The following DDX10 variants were observed in gnomAD, a reference collection of about 807,000 sequenced individuals.
DDX10 encodes the protein DEAD-box helicase 10.
Under a neutral mutation model 104.3 loss-of-function variants are expected in DDX10, and 74 were observed. The ratio of observed to expected loss-of-function variants is 0.71; its 90% CI spans 0.59 to 0.86. The LOEUF (loss-of-function observed/expected upper bound fraction) is 0.86, where lower values mean the gene tolerates loss of function less well. Ranked by LOEUF, DDX10 falls within the 40% of genes least tolerant of loss-of-function variation. DDX10 has a pLI of 0.00. For synonymous variants in DDX10, 351 were observed against 353.4 expected (o/e 0.99, Z 0.08); for missense variants, 952 against 1,040.0 (o/e 0.92, Z 1.16).
intron 4 of DDX10, 81 bp from the exon 5 acceptor site, chr11:108,678,234 T>C (rs1432295300): frequency 1.8e-5 from 26 of 1,410,100 alleles, no homozygotes; most frequent in East Asian, 2.4e-5. Flanking sequence ...GAAATGCCCA[T>C]GCAGATGGCT....
chr11:108,917,826 A>G, intron 16 of DDX10, 47 bp from the exon 17 acceptor site: 1 of 1,594,390 alleles, frequency 6.3e-7, no homozygotes, highest in South Asian at 1.1e-5. Context: ...CTGATTATTT[A>G]TCAACTGACT....
At chr11:108,783,450 G>T (rs542267958) in intron 13 of DDX10, among the ~76,000 whole-genome samples, 22 of 152,134 alleles carry the variant, frequency 1.4e-4, no homozygotes, top group Non-Finnish European at 2.9e-4. Context: ...GGCTGTAAAA[G>T]GCAGGAAGGT....
chr11:108,742,850 A>T (rs2094326926), intron 13 of DDX10, among the ~76,000 whole-genome samples: 1 of 152,194 alleles, frequency 6.6e-6, no homozygotes, highest in South Asian at 2.1e-4. Context: ...AAGAAACTGA[A>T]TCCCTGAAGA....
chr11:108,852,190 C>A lies in DDX10; in HGVS notation c.2285C>A (p.Ala762Asp), dbSNP rs755460972. ...AAAGAAAGGGAAGCCAGAAGAGAAG[C>A]CAACAAGAGACAAGCAAAGGTAAGG... ...RLKEREARREANKRQAKAKDE... is the reference protein window; with the variant it reads ...RLKEREARREDNKRQAKAKDE... Residue 762 changes from alanine (A) to aspartate (D), a missense_variant, in exon 16 of 18, where the codon GCC becomes GAC. Physicochemically the swap from Ala to Asp is moderately radical, Grantham distance 126. Transcript: ENST00000322536. 1.2e-6 allele frequency: 2 copies of A among 1,611,134 alleles called. No individual in the cohort carries two copies. The highest frequency in any genetic ancestry group is 4.5e-5 in the East Asian group (2 of 44,728).
intron 1 of DDX10, among the ~76,000 whole-genome samples, chr11:108,666,226 A>G (rs1310072236): frequency 6.6e-6 from 1 of 152,168 alleles, no homozygotes; most frequent in African/African-American, 2.4e-5. Flanking sequence ...GTAACAAATT[A>G]CCACAAACTT....
At chr11:108,835,780 G>A (rs904613443) in intron 13 of DDX10, among the ~76,000 whole-genome samples, 5 of 151,964 alleles carry the variant, frequency 3.3e-5, no homozygotes, top group Non-Finnish European at 7.4e-5. Flanking sequence ...GCAGATGAAG[G>A]GATAGTCCCT....
rs1265501820 is a variant in DDX10, at chr11:108,677,206, ATCATGACT to A, written c.503_510del (p.His168LeufsTer16). The A allele has an allele frequency of 6.2e-7, 1 of 1,613,882 alleles. No homozygotes were observed. Among genetic ancestry groups the A allele is most frequent in the East Asian group, 2.2e-5 (1 of 44,874 alleles). Reference sequence around the variant, plus strand: ...GAGGTTCTCCGAAAAGTAGGAAAGAATCATGACTTCTCAGCTGGTCTCATCATTGGTGG... The same window carrying A: ...GAGGTTCTCCGAAAAGTAGGAAAGAATCTCAGCTGGTCTCATCATTGGTGG... On this transcript the variant is annotated frameshift_variant, in exon 4 of 18. Transcript: ENST00000322536. LOFTEE classifies it high-confidence loss of function.
chr11:108,820,342 G>T lies in DDX10; in HGVS notation c.1966-18104G>T, dbSNP rs1055697653. Among the ~76,000 whole-genome samples the T allele has an allele frequency of 2.6e-5, 4 of 152,292 alleles. No homozygotes were observed. The South Asian group carries it at 8.3e-4, about 32-fold the overall frequency. ...TGGCATGGATTAAGGAATACACTTT[G>T]TTGGGAAAAGGGAATATTTACAAAG... is the stretch of plus-strand genomic sequence containing the variant. On this transcript the variant is annotated intron_variant, in intron 13 of 17. Coordinates refer to ENST00000322536, the MANE Select transcript of DDX10 (RefSeq NM_004398.4).
chr11:108,762,451 TG>T (rs1388383740), intron 13 of DDX10, among the ~76,000 whole-genome samples: 16 of 152,160 alleles, frequency 1.1e-4, no homozygotes, highest in African/African-American at 3.4e-4. Flanking sequence ...TGATGGTAAT[TG>T]GGCATTATCA....
chr11:108,865,215 G>C (rs1459492654), intron 16 of DDX10, among the ~76,000 whole-genome samples: 4 of 152,090 alleles, frequency 2.6e-5, no homozygotes, highest in Admixed American at 2.0e-4. Context: ...TAGAGGGTCC[G>C]ACAGCCTGGG....
chr11:108,790,996 T>C (rs938101638), intron 13 of DDX10, among the ~76,000 whole-genome samples: 1 of 152,220 alleles, frequency 6.6e-6, no homozygotes, highest in Non-Finnish European at 1.5e-5. Context: ...TCTCACACAT[T>C]CTACTTTATA....
intron 17 of DDX10, among the ~76,000 whole-genome samples, chr11:108,928,477 T>G (rs1477251694): frequency 2.0e-5 from 3 of 152,176 alleles, no homozygotes; most frequent in African/African-American, 7.2e-5. Flanking sequence ...GGAATATTGA[T>G]CTACACGCTG....
intron 13 of DDX10, among the ~76,000 whole-genome samples, chr11:108,817,610 G>C (rs1384420691): frequency 6.6e-6 from 1 of 152,162 alleles, no homozygotes; most frequent in Non-Finnish European, 1.5e-5. Context: ...TGTACCCCAG[G>C]TGCCTAGAAT....
chr11:108,905,437 T>C, intron 16 of DDX10, among the ~76,000 whole-genome samples: 1 of 151,748 alleles, frequency 6.6e-6, no homozygotes, highest in East Asian at 1.9e-4. Context: ...GTCATTAAAA[T>C]ATTATATGGG....
intron 13 of DDX10, among the ~76,000 whole-genome samples, chr11:108,748,148 GC>G (rs1486476409): frequency 6.6e-6 from 1 of 152,128 alleles, no homozygotes; most frequent in Non-Finnish European, 1.5e-5. Flanking sequence ...TTCTGTTTTA[GC>G]AGCCTGTCCT....
In DDX10 at chr11:108,665,114, G is replaced by T. The variant is rs770338562; in HGVS notation, c.-40G>T. ...CCGTGAGTCTGGCCTTAGGTGTCTC[G>T]TGTCTGGGGTTGATCCGAGCTGTCG... is the stretch of plus-strand genomic sequence containing the variant. On this transcript the variant is annotated 5_prime_UTR_variant, in exon 1 of 18. Transcript: ENST00000322536. 3.2e-6 allele frequency: 5 copies of T among 1,563,694 alleles called. No homozygotes were observed. Among genetic ancestry groups the T allele is most frequent in the African/African-American group, 1.4e-5 (1 of 72,514 alleles).
chr11:108,765,282 C>G (rs745588157), intron 13 of DDX10, among the ~76,000 whole-genome samples: 1 of 152,168 alleles, frequency 6.6e-6, no homozygotes, highest in Admixed American at 6.5e-5. Flanking sequence ...TCAGTTTATT[C>G]TAAATCCCCA....
At chr11:108,810,817 A>G (rs1353020420) in intron 13 of DDX10, among the ~76,000 whole-genome samples, 2 of 152,158 alleles carry the variant, frequency 1.3e-5, no homozygotes, top group African/African-American at 2.4e-5. Context: ...CCTTAGAGAG[A>G]GTTGTTTAAA....
intron 16 of DDX10, among the ~76,000 whole-genome samples, chr11:108,911,438 C>G (rs1350089434): frequency 6.6e-6 from 1 of 151,656 alleles, no homozygotes; most frequent in African/African-American, 2.4e-5. Flanking sequence ...TTGCTGTGTT[C>G]TTCACGTGAT....
Sources: allele counts gnomAD v4.1 joint callset (sites outside exome capture counted in the v4.1 genomes callset), GRCh38; gene constraint gnomAD v4.1.1; transcripts MANE v1.5; gene names NCBI Gene and HGNC (gene_info 2026-07-23, HGNC 2026-07-21).